Variants in IGF1R observed in about 807,000 individuals in gnomAD.
The protein encoded by IGF1R is insulin-like growth factor 1 receptor.
Under a neutral mutation model 144.6 loss-of-function variants are expected in IGF1R, and 44 were observed. The ratio of observed to expected loss-of-function variants is 0.30; its 90% CI spans 0.24 to 0.39. IGF1R has a LOEUF of 0.39. IGF1R is among the 10% of genes least tolerant of loss of function. The pLI is 1.00. For synonymous variants in IGF1R, 795 were observed against 722.8 expected, an observed-to-expected ratio of 1.10 and a Z score of -1.60; for missense variants, 1,355 against 1,833.7, an observed-to-expected ratio of 0.74 and a Z score of 4.77.
At chr15:98,879,504 A>T (rs1414454483) in intron 2 of IGF1R, among the ~76,000 whole-genome samples, 4 of 152,192 alleles carry the variant, frequency 2.6e-5, no homozygotes, top group Non-Finnish European at 5.9e-5. Flanking sequence ...CTCGGAGCAG[A>T]GGGGAGGCAC....
At chr15:98,922,514 C>T in intron 11 of IGF1R, 83 bp downstream of exon 11, 1 of 1,512,836 alleles carries the variant, frequency 6.6e-7, no homozygotes, top group Non-Finnish European at 9.1e-7. Flanking sequence ...CAGGGTCTGA[C>T]ACCCAGGGCC....
chr15:98,905,836 G>A (rs1157797921), intron 5 of IGF1R, among the ~76,000 whole-genome samples: 3 of 152,242 alleles, frequency 2.0e-5, no homozygotes, highest in Non-Finnish European at 2.9e-5. Context: ...TGTGCAGACA[G>A]GTCTCTGCCT....
At chr15:98,909,129 G>C (rs2014871217) in intron 6 of IGF1R, among the ~76,000 whole-genome samples, 1 of 152,196 alleles carries the variant, frequency 6.6e-6, no homozygotes, top group African/African-American at 2.4e-5. Context: ...GTGAGTGTGT[G>C]AAACACTTAT....
At chr15:98,757,609 G>C (rs551961965) in intron 2 of IGF1R, among the ~76,000 whole-genome samples, 1 of 152,156 alleles carries the variant, frequency 6.6e-6, no homozygotes, top group East Asian at 1.9e-4. Flanking sequence ...TCTCTGTCCA[G>C]TTTAATGCTT....
intron 1 of IGF1R, among the ~76,000 whole-genome samples, chr15:98,656,791 G>C (rs1457159184): frequency 1.3e-5 from 2 of 152,170 alleles, no homozygotes; most frequent in Non-Finnish European, 2.9e-5. Flanking sequence ...TCAGAATTGT[G>C]TATCTCCATC....
intron 2 of IGF1R, among the ~76,000 whole-genome samples, chr15:98,804,974 G>A (rs2056441294): frequency 6.6e-6 from 1 of 152,168 alleles, no homozygotes; most frequent in Non-Finnish European, 1.5e-5. Context: ...GGGATTACAG[G>A]CATGAGCCGC....
At chr15:98,684,502 T>C (rs1054690818) in intron 1 of IGF1R, among the ~76,000 whole-genome samples, 1 of 152,190 alleles carries the variant, frequency 6.6e-6, no homozygotes, top group Non-Finnish European at 1.5e-5. Context: ...AGGTTATAGC[T>C]AAACGTCAGT....
At chr15:98,818,010 A>G (rs759245381) in intron 2 of IGF1R, among the ~76,000 whole-genome samples, 8 of 152,218 alleles carry the variant, frequency 5.3e-5, no homozygotes, top group Non-Finnish European at 1.2e-4. Context: ...GTTTGCAAAC[A>G]GCTACCTTCT....
At chr15:98,932,794 C>G (rs1299843177) in intron 15 of IGF1R, among the ~76,000 whole-genome samples, 1 of 152,174 alleles carries the variant, frequency 6.6e-6, no homozygotes, top group Non-Finnish European at 1.5e-5. Flanking sequence ...TCGTGAAACC[C>G]TTGAAACATA....
At chr15:98,649,781 CGGGCTCGGGAGCGGCGGGGTGGGGCGCA>C in intron 1 of IGF1R, 106 bp downstream of exon 1, 1 of 844,704 alleles carries the variant, frequency 1.2e-6, no homozygotes, top group South Asian at 1.5e-5. Flanking sequence ...GTCGGGCCCC[CGGGCTCGGGAGCGGCGGGGTGGGGCGCA>C]GGGCGGCTCT....
chr15:98,649,233 G>T lies in IGF1R; in HGVS notation c.-349G>T, dbSNP rs997845561. 8.2e-5 allele frequency: 18 copies of T among 218,450 alleles called. No individual in the cohort carries two copies. The highest frequency in any genetic ancestry group is 3.6e-4 in the African/African-American group (16 of 44,318). The allele number at this position is 218,450 out of a possible 1,614,324, so 13.5% of individuals were successfully genotyped here. A position where few individuals can be genotyped will look rare whatever the true frequency, so the allele number is the denominator to read the frequency against. Reference sequence around the variant, plus strand: ...CCTCGCCTAGGCAGATTTGGGCTTTGCCCCCTTTCTTTGCAGTTTTCCCCC... The same window carrying T: ...CCTCGCCTAGGCAGATTTGGGCTTTTCCCCCTTTCTTTGCAGTTTTCCCCC... On this transcript the variant is annotated 5_prime_UTR_variant, in exon 1 of 21. Transcript: ENST00000650285.
At chr15:98,779,000 T>C (rs1798081594) in intron 2 of IGF1R, among the ~76,000 whole-genome samples, 1 of 152,170 alleles carries the variant, frequency 6.6e-6, no homozygotes, top group African/African-American at 2.4e-5. Flanking sequence ...ACTCTGGGAG[T>C]GCATAATACA....
chr15:98,819,665 G>A (rs192545104), intron 2 of IGF1R, among the ~76,000 whole-genome samples: 8 of 152,214 alleles, frequency 5.3e-5, no homozygotes, highest in Non-Finnish European at 8.8e-5. Flanking sequence ...ATAAGCTTTC[G>A]TTTATGTGGG....
chr15:98,665,934 G>A (rs988338175), intron 1 of IGF1R, among the ~76,000 whole-genome samples: 17 of 152,176 alleles, frequency 1.1e-4, no homozygotes, highest in Non-Finnish European at 7.3e-5. Context: ...CTTGCTAAGC[G>A]AATATTGCCT....
rs1402436719 is a variant in IGF1R, at chr15:98,916,040, T to C, written c.1905T>C (p.Ser635=). ...TAATCGTGAAGTGGAACCCTCCCTC[T>C]CTGCCCAACGGCAACCTGAGTTACT... ...SQLIVKWNPP[S]LPNGNLSYYI... The change falls in exon 9 of 21, where the codon TCT becomes TCC. Residue 635 remains serine, a synonymous_variant. Coordinates refer to ENST00000650285, the MANE Select transcript of IGF1R (RefSeq NM_000875.5). 1 of 1,614,178 alleles carries C rather than the reference T, an allele frequency of 6.2e-7. No homozygotes were observed. The highest frequency in any genetic ancestry group is 1.7e-5 in the Admixed American group (1 of 60,022).
At chr15:98,870,894 A>C (rs1450035582) in intron 2 of IGF1R, among the ~76,000 whole-genome samples, 3 of 152,202 alleles carry the variant, frequency 2.0e-5, no homozygotes, top group Non-Finnish European at 4.4e-5. Context: ...TTCCCATGGC[A>C]CTGGCACCAG....
At chr15:98,956,003 C>G (rs1488569402) in intron 20 of IGF1R, among the ~76,000 whole-genome samples, 6 of 152,264 alleles carry the variant, frequency 3.9e-5, no homozygotes, top group African/African-American at 1.4e-4. Flanking sequence ...GGCGGTCACT[C>G]CTCAGAACTA....
At chr15:98,905,292 G>C (rs2014678232) in intron 5 of IGF1R, among the ~76,000 whole-genome samples, 1 of 152,094 alleles carries the variant, frequency 6.6e-6, no homozygotes, top group African/African-American at 2.4e-5. Flanking sequence ...TTACAACATA[G>C]AGAAGGCTGA....
At position 98,913,185 on chromosome 15, in the gene IGF1R, C is replaced by T. The variant is rs775242157; in HGVS notation, c.1731C>T (p.Tyr577=). 2.0e-5 allele frequency: 32 copies of T among 1,614,076 alleles called. No homozygotes were observed. Among genetic ancestry groups the T allele is most frequent in the Middle Eastern group, 1.6e-4 (1 of 6,084 alleles). The change falls in exon 8 of 21, where the codon TAC becomes TAT. Residue 577 remains tyrosine, a synonymous_variant. Transcript: ENST00000650285. The part of the protein sequence containing the change: ...LLHGLKPWTQ[Y]AVYVKAVTLT... ...ATGGGCTGAAGCCCTGGACTCAGTA[C>T]GCCGTTTACGTCAAGGCTGTGACCC...
Sources: allele counts gnomAD v4.1 joint callset (sites outside exome capture counted in the v4.1 genomes callset), GRCh38; gene constraint gnomAD v4.1.1; transcripts MANE v1.5; gene names NCBI Gene and HGNC (gene_info 2026-07-23, HGNC 2026-07-21).